GALNT1: variants seen among roughly 807,000 people sequenced by gnomAD.
The protein encoded by GALNT1 is polypeptide N-acetylgalactosaminyltransferase 1.
Under a neutral mutation model 65.7 loss-of-function variants are expected in GALNT1, and 17 were observed. The ratio of observed to expected loss-of-function variants is 0.26; its 90% CI spans 0.18 to 0.39. The LOEUF is 0.39. GALNT1 is among the 10% of genes least tolerant of loss of function. GALNT1 has a pLI of 1.00. For missense variants in GALNT1, 460 were observed against 672.8 expected (o/e 0.68, Z 3.50); for synonymous variants, 210 against 219.7 (o/e 0.96, Z 0.39).
chr18:35,683,357 C>A, intron 4 of GALNT1, 34 bp from the exon 5 acceptor site: 1 of 1,553,476 alleles, frequency 6.4e-7, no homozygotes, highest in Non-Finnish European at 8.8e-7. Flanking sequence ...CCAGGCCACA[C>A]TGGTTTGCAT....
intron 10 of GALNT1, among the ~76,000 whole-genome samples, 188 bp downstream of exon 10, chr18:35,703,183 C>T (rs925551020): frequency 6.6e-6 from 1 of 151,426 alleles, no homozygotes; most frequent in African/African-American, 2.4e-5. Flanking sequence ...GTGAAAGGCC[C>T]ATTGTGAGAA....
chr18:35,601,233 T>G (rs900195383), intron 1 of GALNT1, among the ~76,000 whole-genome samples: 8 of 152,132 alleles, frequency 5.3e-5, no homozygotes, highest in African/African-American at 1.9e-4. Context: ...TTTTGGTGTA[T>G]AGTTCTTAAT....
chr18:35,691,595 TGAACGTTCTCTATAAGCA>T, intron 8 of GALNT1, among the ~76,000 whole-genome samples: 1 of 152,330 alleles, frequency 6.6e-6, no homozygotes, highest in Admixed American at 6.5e-5. Context: ...CAGTGGGTCA[TGAACGTTCTCTATAAGCA>T]GGCCCTCAAT....
At chr18:35,631,115 A>C (rs1471936644) in intron 1 of GALNT1, among the ~76,000 whole-genome samples, 1 of 152,222 alleles carries the variant, frequency 6.6e-6, no homozygotes, top group African/African-American at 2.4e-5. Context: ...GCCACATTCT[A>C]CCAGAGGTAC....
chr18:35,646,153 A>T (rs977586730), intron 1 of GALNT1, among the ~76,000 whole-genome samples: 2 of 152,172 alleles, frequency 1.3e-5, no homozygotes. Flanking sequence ...ATGTCTTACC[A>T]TGGAGGAGCA....
chr18:35,640,123 A>G (rs2047142374), intron 1 of GALNT1, among the ~76,000 whole-genome samples: 1 of 152,184 alleles, frequency 6.6e-6, no homozygotes, highest in African/African-American at 2.4e-5. Flanking sequence ...CTTTTGCAGT[A>G]TTTGGAATAT....
chr18:35,635,139 A>G (rs1361251817), intron 1 of GALNT1, among the ~76,000 whole-genome samples: 1 of 152,170 alleles, frequency 6.6e-6, no homozygotes, highest in African/African-American at 2.4e-5. Flanking sequence ...GGAAGAAGGT[A>G]AATGGTAGAG....
intron 9 of GALNT1, among the ~76,000 whole-genome samples, chr18:35,701,332 T>C (rs1414115445): frequency 1.3e-5 from 2 of 152,206 alleles, no homozygotes; most frequent in Non-Finnish European, 2.9e-5. Context: ...CCTCTTAAAG[T>C]GCTCGGGTTA....
chr18:35,592,918 G>A (rs2046461982), intron 1 of GALNT1, among the ~76,000 whole-genome samples: 1 of 152,148 alleles, frequency 6.6e-6, no homozygotes, highest in East Asian at 1.9e-4. Flanking sequence ...TAGGGATAAG[G>A]ACCTTCTCTT....
intron 1 of GALNT1, among the ~76,000 whole-genome samples, chr18:35,641,236 G>A (rs996307429): frequency 1.3e-5 from 2 of 152,178 alleles, no homozygotes; most frequent in African/African-American, 4.8e-5. Context: ...CCTGAGCCCA[G>A]GAGTATGAGA....
Position 35,643,691 on chromosome 18 carries a change from G to A in GALNT1, c.-103-10869G>A, listed in dbSNP as rs147897024. ...CAGGCACCTGTAGTCCCAGCTACTC[G>A]GGAGGCTGAGGCAGGAGAATGGCGT... On this transcript the variant is annotated intron_variant, in intron 1 of 11. Transcript: ENST00000269195. 9.1e-4 allele frequency among the ~76,000 whole-genome samples: 138 copies of A among 151,948 alleles called. 1 individual carries two copies. The East Asian group carries it at 0.019, about 21-fold the overall frequency.
At chr18:35,596,770 C>T (rs1244668931) in intron 1 of GALNT1, 1 of 152,218 alleles carries the variant, frequency 6.6e-6, no homozygotes, top group Non-Finnish European at 1.5e-5. Flanking sequence ...TTGCTCATCA[C>T]ATCTTAGCCT....
At chr18:35,636,778 A>C (rs76544853) in intron 1 of GALNT1, among the ~76,000 whole-genome samples, 1,698 of 127,040 alleles carry the variant, frequency 0.013, 13 homozygotes, top group Non-Finnish European at 0.02. Flanking sequence ...CACAGATACT[A>C]CTTTGTTTTT....
intron 3 of GALNT1, among the ~76,000 whole-genome samples, chr18:35,674,633 C>T (rs2047681923): frequency 6.6e-6 from 1 of 152,182 alleles, no homozygotes; most frequent in East Asian, 1.9e-4. Context: ...AGTTAAGACT[C>T]TTCCCTTTCT....
intron 1 of GALNT1, among the ~76,000 whole-genome samples, chr18:35,592,439 A>G (rs1166680596): frequency 1.3e-5 from 2 of 152,218 alleles, no homozygotes; most frequent in African/African-American, 4.8e-5. Context: ...CTATGCACAG[A>G]GACTGTGTAG....
chr18:35,606,846 T>A (rs1461462724), intron 1 of GALNT1, among the ~76,000 whole-genome samples: 1 of 121,518 alleles, frequency 8.2e-6, no homozygotes, highest in Admixed American at 9.7e-5. Flanking sequence ...TGTGTGTGTG[T>A]GTGTGTGTGT....
intron 1 of GALNT1, among the ~76,000 whole-genome samples, chr18:35,631,213 A>G (rs1465150695): frequency 6.6e-6 from 1 of 152,246 alleles, no homozygotes; most frequent in East Asian, 1.9e-4. Context: ...TGAGGCCAGC[A>G]TCATCCTGAT....
intron 1 of GALNT1, among the ~76,000 whole-genome samples, chr18:35,583,537 A>G (rs1040285278): frequency 6.6e-6 from 1 of 152,178 alleles, no homozygotes; most frequent in African/African-American, 2.4e-5. Context: ...ATCACTGAAG[A>G]CTTTACAGTG....
chr18:35,600,681 C>T (rs531764209), intron 1 of GALNT1, among the ~76,000 whole-genome samples: 5 of 151,838 alleles, frequency 3.3e-5, no homozygotes, highest in Admixed American at 6.6e-5. Flanking sequence ...TTTATTTTTG[C>T]GGGGAGGGGT....
Sources: allele counts gnomAD v4.1 joint callset (sites outside exome capture counted in the v4.1 genomes callset), GRCh38; gene constraint gnomAD v4.1.1; transcripts MANE v1.5; gene names NCBI Gene and HGNC (gene_info 2026-07-23, HGNC 2026-07-21).